Variants in RTF2 observed in about 807,000 individuals in gnomAD.
RTF2 encodes replication termination factor 2.
Under a neutral mutation model 38.0 loss-of-function variants are expected in RTF2, and 18 were observed. The ratio of observed to expected loss-of-function variants is 0.47; its 90% confidence interval spans 0.33 to 0.70. The LOEUF (loss-of-function observed/expected upper bound fraction) is 0.70, where lower values mean the gene tolerates loss of function less well. RTF2 is among the 30% of genes least tolerant of loss of function. The probability of loss-of-function intolerance (pLI) is 0.02; values close to 1 mark genes in which losing one functional copy is unlikely to be tolerated. For synonymous variants in RTF2, 126 were observed against 137.1 expected (o/e 0.92, Z 0.57); for missense variants, 311 against 379.6 (o/e 0.82, Z 1.50).
rs1304286835 is a variant in RTF2, at chr20:56,518,369, C to G, written c.*104C>G. The stretch of plus-strand genomic sequence containing the variant: ...GCTGCTGTGTGTTCTCTCTATAGTT[C>G]TGTGTCATAAAGCTGTCCTGGCCAG... On this transcript the variant is annotated 3_prime_UTR_variant, in exon 9 of 9. Coordinates refer to ENST00000357348, the MANE Select transcript of RTF2 (RefSeq NM_016407.5). 3 of 1,200,488 alleles carry G rather than the reference C, an allele frequency of 2.5e-6. No individual in the cohort carries two copies. The Admixed American group carries it at 7.1e-5, about 29-fold the overall frequency. The allele number at this position is 1,200,488 out of a possible 1,614,324, so 74.4% of individuals were successfully genotyped here.
chr20:56,504,126 A>G (rs1359646185), intron 5 of RTF2: 2 of 152,074 alleles, frequency 1.3e-5, no homozygotes, highest in East Asian at 3.9e-4. Flanking sequence ...TTTCTCTCCC[A>G]TCGGTTCCTC....
At chr20:56,512,718 A>G (rs1344670714) in intron 5 of RTF2, among the ~76,000 whole-genome samples, 2 of 152,190 alleles carry the variant, frequency 1.3e-5, no homozygotes, top group African/African-American at 2.4e-5. Flanking sequence ...GCAGCGTGGT[A>G]TGGATGCACA....
intron 4 of RTF2, among the ~76,000 whole-genome samples, chr20:56,481,631 A>C (rs1982530865): frequency 7.2e-6 from 1 of 139,026 alleles, no homozygotes. Context: ...ACACACACAT[A>C]TACACACACG....
At chr20:56,476,253 T>A (rs1435194438) in intron 3 of RTF2, among the ~76,000 whole-genome samples, 1 of 152,126 alleles carries the variant, frequency 6.6e-6, no homozygotes, top group Non-Finnish European at 1.5e-5. Flanking sequence ...TATATATATA[T>A]TTTTTTGTTT....
At chr20:56,494,318 T>C (rs1983366690) in intron 5 of RTF2, among the ~76,000 whole-genome samples, 1 of 152,220 alleles carries the variant, frequency 6.6e-6, no homozygotes, top group African/African-American at 2.4e-5. Context: ...TCAAACATTG[T>C]TGAAACATTC....
At position 56,518,744 on chromosome 20, in the gene RTF2, C is replaced by G. The variant is rs1311726433; in HGVS notation, c.*479C>G. 6.5e-6 allele frequency: 1 copy of G among 152,770 alleles called. No individual in the cohort carries two copies. The highest frequency in any genetic ancestry group is 2.4e-5 in the African/African-American group (1 of 41,448). The allele number at this position is 152,770 out of a possible 1,614,324, so 9.5% of individuals were successfully genotyped here. On this transcript the variant is annotated 3_prime_UTR_variant, in exon 9 of 9. Coordinates refer to ENST00000357348, the MANE Select transcript of RTF2 (RefSeq NM_016407.5). ...AAGGGCCTCGTCCCTCTGCTACAGC[C>G]CTGGGAGGAGCCAGGATCCTTGTTG...
At chr20:56,505,728 G>T (rs1984223314) in intron 5 of RTF2, among the ~76,000 whole-genome samples, 2 of 152,042 alleles carry the variant, frequency 1.3e-5, no homozygotes, top group Non-Finnish European at 2.9e-5. Flanking sequence ...CCACATTGCT[G>T]CGGGAAATGC....
At chr20:56,473,157 A>G (rs575201486) in intron 1 of RTF2, 144 bp from the exon 2 acceptor site, 12 of 599,954 alleles carry the variant, frequency 2.0e-5, no homozygotes, top group South Asian at 2.0e-4. Context: ...CAAACCAAAA[A>G]CCCAACTTCC....
At chr20:56,512,805 C>G (rs1984765329) in intron 5 of RTF2, among the ~76,000 whole-genome samples, 1 of 152,162 alleles carries the variant, frequency 6.6e-6, no homozygotes, top group African/African-American at 2.4e-5. Context: ...CGCACTCCCT[C>G]CCTCAAGGGG....
Position 56,506,351 on chromosome 20 carries a change from G to A in RTF2, c.478-6964G>A, listed in dbSNP as rs73614305. On this transcript the variant is annotated intron_variant, in intron 5 of 8. Transcript: ENST00000357348. The stretch of plus-strand genomic sequence containing the variant: ...GCACAGGAAACAAAAACAGGATTCC[G>A]TGATAAGAGAATGACCATGTCTCGG... 1.2e-3 allele frequency among the ~76,000 whole-genome samples: 182 copies of A among 152,278 alleles called. 4 individuals are homozygous for A. The East Asian group carries it at 0.032, about 27-fold the overall frequency.
chr20:56,506,769 C>T (rs959309558), intron 5 of RTF2, among the ~76,000 whole-genome samples: 2 of 151,976 alleles, frequency 1.3e-5, no homozygotes, highest in African/African-American at 4.8e-5. Context: ...GGCACGATCT[C>T]GGCTCACTGC....
chr20:56,500,354 A>T (rs764886763), intron 5 of RTF2, among the ~76,000 whole-genome samples: 1 of 152,094 alleles, frequency 6.6e-6, no homozygotes, highest in African/African-American at 2.4e-5. Flanking sequence ...TCGCCCAGCT[A>T]GTTTGTTGTT....
intron 5 of RTF2, among the ~76,000 whole-genome samples, chr20:56,501,401 T>C (rs1983920594): frequency 6.6e-6 from 1 of 152,234 alleles, no homozygotes; most frequent in South Asian, 2.1e-4. Context: ...ATGTAGGTGC[T>C]ATTTTGTAAG....
rs1012370816 is a variant in RTF2 at position 56,490,035 on chromosome 20, G to A, written c.477+5846G>A. ...TGCTTTCCTTGGATTAGATATCCAAGGGGAAGAAAGATTTGTTTAAACAAA... is the reference window on the plus strand; with the variant it reads ...TGCTTTCCTTGGATTAGATATCCAAAGGGAAGAAAGATTTGTTTAAACAAA... On this transcript the variant is annotated intron_variant, in intron 5 of 8. Coordinates refer to ENST00000357348, the MANE Select transcript of RTF2 (RefSeq NM_016407.5). 4.6e-5 allele frequency among the ~76,000 whole-genome samples: 7 copies of A among 152,312 alleles called. No homozygotes were observed. The East Asian group carries it at 1.4e-3, about 29-fold the overall frequency.
intron 5 of RTF2, among the ~76,000 whole-genome samples, chr20:56,509,723 T>C (rs922235830): frequency 1.3e-5 from 2 of 152,152 alleles, no homozygotes; most frequent in African/African-American, 4.8e-5. Flanking sequence ...CTTTGGAAGT[T>C]CATCATTTGA....
Position 56,517,209 on chromosome 20 carries a change from C to G in RTF2, c.742+8C>G, listed in dbSNP as rs768172946. ...TGGCTCCCAAAAGCACAGGTGGGTC[C>G]TGTTGTAGCTACAGGGAGCTGTTTC... is the stretch of plus-strand genomic sequence containing the variant. On this transcript the variant is annotated splice_region_variant and intron_variant, in intron 8 of 8. Transcript: ENST00000357348. The G allele has an allele frequency of 6.2e-7, 1 of 1,610,928 alleles. No individual in the cohort carries two copies.
chr20:56,477,905 A>G (rs537667308), intron 4 of RTF2, among the ~76,000 whole-genome samples: 56 of 152,368 alleles, frequency 3.7e-4, no homozygotes, highest in African/African-American at 1.3e-3. Flanking sequence ...TTGAATTTGT[A>G]GCTAACAGAT....
At chr20:56,485,206 C>T (rs1461692594) in intron 5 of RTF2, among the ~76,000 whole-genome samples, 2 of 152,090 alleles carry the variant, frequency 1.3e-5, no homozygotes, top group African/African-American at 4.8e-5. Flanking sequence ...AGAGGCATAT[C>T]TGGAGGTTTG....
At chr20:56,474,561 C>G (rs1457311195) in intron 2 of RTF2, 117 bp from the exon 3 acceptor site, 7 of 585,760 alleles carry the variant, frequency 1.2e-5, no homozygotes, top group Non-Finnish European at 2.1e-5. Flanking sequence ...TTTAATAATT[C>G]AGGGTATTTC....
Sources: allele counts gnomAD v4.1 joint callset (sites outside exome capture counted in the v4.1 genomes callset), GRCh38; gene constraint gnomAD v4.1.1; transcripts MANE v1.5; gene names NCBI Gene and HGNC (gene_info 2026-07-23, HGNC 2026-07-21).